MBOAT2: variants seen among roughly 807,000 people sequenced by gnomAD.
MBOAT2 encodes membrane-bound glycerophospholipid O-acyltransferase 2.
A neutral mutation model predicts 63.4 loss-of-function variants in MBOAT2; 28 were observed. That is an observed-to-expected ratio of 0.44 (90% CI 0.33 to 0.61). The LOEUF (loss-of-function observed/expected upper bound fraction) is 0.61. Ranked by LOEUF, MBOAT2 falls within the 20% of genes least tolerant of loss-of-function variation. The pLI, the probability that MBOAT2 is intolerant of heterozygous loss-of-function variation, is 0.03. For missense variants in MBOAT2, 470 were observed against 605.8 expected (o/e 0.78, Z 2.35); for synonymous variants, 211 against 215.6 (o/e 0.98, Z 0.19).
At chr2:8,954,059 G>C (rs947817693) in intron 2 of MBOAT2, among the ~76,000 whole-genome samples, 14 of 152,118 alleles carry the variant, frequency 9.2e-5, no homozygotes, top group African/African-American at 3.4e-4. Flanking sequence ...TTTCATGCAG[G>C]TAAGATTTTT....
intron 4 of MBOAT2, among the ~76,000 whole-genome samples, chr2:8,895,165 G>A (rs907584438): frequency 2.6e-5 from 4 of 152,244 alleles, no homozygotes; most frequent in Admixed American, 1.3e-4. Flanking sequence ...AGCCACTGCT[G>A]GCTCACCTGG....
intron 3 of MBOAT2, among the ~76,000 whole-genome samples, chr2:8,912,409 AAGAAAGAC>A (rs1343208946): frequency 2.1e-5 from 3 of 140,288 alleles, no homozygotes; most frequent in African/African-American, 5.3e-5. Flanking sequence ...GAAAGAAAGA[AAGAAAGAC>A]AGGCCGGCCG....
Position 8,858,492 on chromosome 2 carries a change from G to A in MBOAT2, c.*187C>T, listed in dbSNP as rs1661261673. ...TATTCTTACATAAGGCGTGGCCCAC[G>A]GAGACATGGCATGGGAGGGCTTGTT... is the stretch of plus-strand genomic sequence containing the variant. On this transcript the variant is annotated 3_prime_UTR_variant, in exon 13 of 13. Transcript: ENST00000305997. 9.3e-6 allele frequency: 5 copies of A among 537,934 alleles called. No individual in the cohort carries two copies. The highest frequency in any genetic ancestry group is 6.0e-5 in the South Asian group (2 of 33,606). The allele number at this position is 537,934 out of a possible 1,614,324, so 33.3% of individuals were successfully genotyped here.
chr2:8,969,671 G>A (rs1163609036), intron 1 of MBOAT2, among the ~76,000 whole-genome samples: 1 of 152,154 alleles, frequency 6.6e-6, no homozygotes, highest in Non-Finnish European at 1.5e-5. Context: ...AGGGATGGAG[G>A]AAGATCTACC....
intron 2 of MBOAT2, among the ~76,000 whole-genome samples, chr2:8,954,938 T>G (rs7588402): frequency 0.08 from 12,172 of 152,192 alleles, 783 homozygotes; most frequent in African/African-American, 0.18. Flanking sequence ...ATGACACAGG[T>G]GGATCAGTTC....
intron 1 of MBOAT2, among the ~76,000 whole-genome samples, chr2:8,996,620 C>T (rs1228571524): frequency 6.6e-6 from 1 of 152,204 alleles, no homozygotes; most frequent in Non-Finnish European, 1.5e-5. Context: ...CATAGCTCTT[C>T]CTCCCCTGCT....
chr2:8,943,359 G>T, intron 2 of MBOAT2, 95 bp from the exon 3 acceptor site: 2 of 631,084 alleles, frequency 3.2e-6, no homozygotes, highest in Non-Finnish European at 2.6e-6. Context: ...GCATAACACA[G>T]TATTCCCAGA....
chr2:8,906,331 G>A (rs1665330979), intron 4 of MBOAT2, among the ~76,000 whole-genome samples: 1 of 152,200 alleles, frequency 6.6e-6, no homozygotes, highest in Non-Finnish European at 1.5e-5. Flanking sequence ...AATGTCAATT[G>A]TCCTATGATC....
chr2:9,001,006 C>A lies in MBOAT2; in HGVS notation c.75+2534G>T, dbSNP rs1027999625. Among the ~76,000 whole-genome samples the A allele has an allele frequency of 5.4e-4, 82 of 151,882 alleles. 1 individual carries two copies. The highest frequency in any genetic ancestry group is 1.8e-3 in the African/African-American group (73 of 41,310). On this transcript the variant is annotated intron_variant, in intron 1 of 12. Coordinates refer to ENST00000305997, the MANE Select transcript of MBOAT2 (RefSeq NM_138799.4). ...TAAAAAACGATTAAAAACTAAGACA[C>A]AAACACACACACTAGCCTAGGCCCA... is the stretch of plus-strand genomic sequence containing the variant.
intron 1 of MBOAT2, among the ~76,000 whole-genome samples, chr2:8,991,933 A>G (rs1378811866): frequency 1.3e-5 from 2 of 152,106 alleles, no homozygotes; most frequent in African/African-American, 4.8e-5. Flanking sequence ...CATGCTGTCC[A>G]CACCTCAGAA....
intron 1 of MBOAT2, among the ~76,000 whole-genome samples, chr2:8,981,160 C>T (rs956181593): frequency 9.2e-5 from 14 of 152,110 alleles, no homozygotes; most frequent in African/African-American, 3.4e-4. Flanking sequence ...AGACGAGTGG[C>T]TGCTTAGGGC....
At chr2:8,863,118 C>T (rs1661605650) in intron 10 of MBOAT2, among the ~76,000 whole-genome samples, 1 of 152,138 alleles carries the variant, frequency 6.6e-6, no homozygotes, top group African/African-American at 2.4e-5. Context: ...ATAGACTGTG[C>T]TTAGTCTACA....
At chr2:8,918,220 T>C (rs1441006775) in intron 3 of MBOAT2, among the ~76,000 whole-genome samples, 2 of 152,202 alleles carry the variant, frequency 1.3e-5, no homozygotes, top group Admixed American at 6.5e-5. Flanking sequence ...CGTACTTAAA[T>C]AAAACTGATT....
At chr2:8,986,042 A>G (rs1176269926) in intron 1 of MBOAT2, among the ~76,000 whole-genome samples, 18 of 152,156 alleles carry the variant, frequency 1.2e-4, no homozygotes. Flanking sequence ...AGTCACACTC[A>G]AAGTACATAC....
At chr2:8,962,734 CAAT>C (rs975480451) in intron 1 of MBOAT2, among the ~76,000 whole-genome samples, 7 of 151,348 alleles carry the variant, frequency 4.6e-5, no homozygotes, top group African/African-American at 1.7e-4. Context: ...TGTGATATAA[CAAT>C]AATTTAATAT....
chr2:8,872,843 C>A (rs1337967828), intron 8 of MBOAT2, among the ~76,000 whole-genome samples: 1 of 152,206 alleles, frequency 6.6e-6, no homozygotes, highest in Non-Finnish European at 1.5e-5. Flanking sequence ...CTGGCTAGCA[C>A]TGAATCTAGA....
intron 1 of MBOAT2, among the ~76,000 whole-genome samples, chr2:8,981,233 A>T (rs145411181): frequency 2.0e-5 from 3 of 152,282 alleles, no homozygotes; most frequent in Non-Finnish European, 2.9e-5. Context: ...TGTAATGAAA[A>T]TGTTCCAGGT....
intron 5 of MBOAT2, among the ~76,000 whole-genome samples, chr2:8,885,601 C>T (rs913325288): frequency 6.6e-6 from 1 of 152,152 alleles, no homozygotes; most frequent in Non-Finnish European, 1.5e-5. Context: ...CTAAAGGCCA[C>T]AGTACAAGCC....
At chr2:8,928,750 A>G (rs753358314) in intron 3 of MBOAT2, among the ~76,000 whole-genome samples, 2 of 152,236 alleles carry the variant, frequency 1.3e-5, no homozygotes, top group Non-Finnish European at 2.9e-5. Context: ...TAGTAGACCA[A>G]CAGATCCTCA....
Sources: gnomAD v4.1 joint callset for allele counts (sites outside exome capture counted in the v4.1 genomes callset) on GRCh38, gnomAD v4.1.1 for gene constraint, MANE v1.5 for transcripts, NCBI Gene and HGNC (gene_info 2026-07-23, HGNC 2026-07-21) for gene names.